The following GRIN2B variants were observed in gnomAD, a reference collection of about 807,000 sequenced individuals.
The protein encoded by GRIN2B is glutamate ionotropic receptor NMDA type subunit 2B.
GRIN2B carries 5 observed loss-of-function variants against 114.5 expected under a neutral mutation model. The observed-to-expected ratio is 0.04, with a 90% confidence interval of 0.02 to 0.09. GRIN2B has a LOEUF of 0.09. GRIN2B is among the 10% of genes least tolerant of loss of function. The pLI, the probability that GRIN2B is intolerant of heterozygous loss-of-function variation, is 1.00. For missense variants in GRIN2B, 1,108 were observed against 1,943.5 expected (o/e 0.57, Z 8.08); for synonymous variants, 787 against 745.1 (o/e 1.06, Z -0.92).
In GRIN2B at chr12:13,563,565, A is replaced by G; in HGVS notation, c.3673T>C (p.Tyr1225His). 1.2e-6 allele frequency: 2 copies of G among 1,614,028 alleles called. No individual in the cohort carries two copies. Among genetic ancestry groups the G allele is most frequent in the South Asian group, 1.1e-5 (1 of 91,080 alleles). ...CRSCPSKLHN[Y>H]STTVTGQNSG... ...TTCTGACCCGTCACCGTCGTGGAGT[A>G]GTTGTGCAGCTTGGAGGGACAGCTG... The change falls in exon 14 of 14, where the codon TAC (tyrosine) becomes CAC (histidine). Residue 1225 changes from tyrosine to histidine, a missense_variant. By Grantham distance (83) the Tyr-to-His change is moderately conservative. Transcript: ENST00000609686.
rs202236020 is a variant in GRIN2B at position 13,827,135 on chromosome 12, A to G, written c.411+38663T>C. On this transcript the variant is annotated intron_variant, in intron 3 of 13. Transcript: ENST00000609686. ...TTTAACCTTTGTTAGTTTGAATATTATATGTCTTTTTTTCCCTCTGGCTGT... is the reference window on the plus strand; with the variant it reads ...TTTAACCTTTGTTAGTTTGAATATTGTATGTCTTTTTTTCCCTCTGGCTGT... Among the ~76,000 whole-genome samples the G allele has an allele frequency of 3.2e-4, 46 of 145,188 alleles. No individual in the cohort carries two copies. The East Asian group carries it at 8.9e-3, about 28-fold the overall frequency.
chr12:13,569,275 G>T (rs969481518), intron 12 of GRIN2B, among the ~76,000 whole-genome samples: 4 of 152,084 alleles, frequency 2.6e-5, no homozygotes, highest in Non-Finnish European at 5.9e-5. Flanking sequence ...CCAATACCTT[G>T]GGATGTGACT....
chr12:13,786,542 G>C (rs550008119), intron 3 of GRIN2B, among the ~76,000 whole-genome samples: 1 of 152,040 alleles, frequency 6.6e-6, no homozygotes, highest in Non-Finnish European at 1.5e-5. Context: ...GAGTCCTGGC[G>C]GACACACTTA....
intron 5 of GRIN2B, among the ~76,000 whole-genome samples, chr12:13,649,441 G>A (rs1379817652): frequency 2.0e-5 from 3 of 151,872 alleles, no homozygotes; most frequent in Non-Finnish European, 4.4e-5. Flanking sequence ...AGGTATTCAG[G>A]GAAAAAATTA....
intron 4 of GRIN2B, among the ~76,000 whole-genome samples, chr12:13,703,118 T>C (rs545562312): frequency 1.3e-5 from 2 of 152,350 alleles, no homozygotes; most frequent in Admixed American, 6.5e-5. Flanking sequence ...CCAGGGATAC[T>C]TGTTTATTAC....
chr12:13,708,496 T>G (rs578115444), intron 4 of GRIN2B, among the ~76,000 whole-genome samples: 1 of 152,240 alleles, frequency 6.6e-6, no homozygotes, highest in East Asian at 1.9e-4. Flanking sequence ...TCTGTTTACA[T>G]AAGACCAACT....
chr12:13,766,536 G>C (rs1001014090), intron 3 of GRIN2B, among the ~76,000 whole-genome samples: 1 of 152,136 alleles, frequency 6.6e-6, no homozygotes. Context: ...CTCTGATATC[G>C]AGTCTCAGCT....
At chr12:13,629,852 C>T (rs188960938) in intron 5 of GRIN2B, among the ~76,000 whole-genome samples, 204 of 152,312 alleles carry the variant, frequency 1.3e-3, no homozygotes, top group Non-Finnish European at 2.2e-3. Flanking sequence ...CTGAATGACA[C>T]AGCTCTTCCC....
intron 3 of GRIN2B, among the ~76,000 whole-genome samples, chr12:13,862,526 T>C (rs1473117457): frequency 6.6e-6 from 1 of 152,218 alleles, no homozygotes; most frequent in Non-Finnish European, 1.5e-5. Context: ...CTACATGTCT[T>C]AGATTTACTG....
At chr12:13,763,885 C>T (rs951604499) in intron 3 of GRIN2B, among the ~76,000 whole-genome samples, 2 of 152,196 alleles carry the variant, frequency 1.3e-5, no homozygotes, top group Admixed American at 6.5e-5. Context: ...AAATTGCTCT[C>T]CTTTTCCAGA....
intron 4 of GRIN2B, among the ~76,000 whole-genome samples, chr12:13,700,034 A>C (rs903477711): frequency 6.6e-6 from 1 of 151,952 alleles, no homozygotes; most frequent in Non-Finnish European, 1.5e-5. Context: ...GAATCTTTTT[A>C]TTGTAACTGG....
At chr12:13,897,570 C>A (rs565400107) in intron 2 of GRIN2B, among the ~76,000 whole-genome samples, 1 of 152,110 alleles carries the variant, frequency 6.6e-6, no homozygotes, top group African/African-American at 2.4e-5. Flanking sequence ...CCCAATGAGT[C>A]GAGAGCCCTT....
At chr12:13,900,505 T>C (rs1329057598) in intron 2 of GRIN2B, among the ~76,000 whole-genome samples, 1 of 152,018 alleles carries the variant, frequency 6.6e-6, no homozygotes, top group African/African-American at 2.4e-5. Flanking sequence ...AAAACATTTA[T>C]GCACATTGTT....
chr12:13,689,667 T>G (rs1950199213), intron 4 of GRIN2B, among the ~76,000 whole-genome samples: 3 of 152,126 alleles, frequency 2.0e-5, no homozygotes, highest in Non-Finnish European at 4.4e-5. Context: ...GCCACATCAC[T>G]ACTTGCTCAA....
At chr12:13,617,855 C>CCCAGA (rs1361556061) in intron 5 of GRIN2B, among the ~76,000 whole-genome samples, 2 of 152,168 alleles carry the variant, frequency 1.3e-5, no homozygotes, top group Non-Finnish European at 2.9e-5. Flanking sequence ...TAATGCAAAA[C>CCCAGA]CCAGACTCCC....
At chr12:13,808,912 T>A (rs1864673538) in intron 3 of GRIN2B, among the ~76,000 whole-genome samples, 1 of 151,970 alleles carries the variant, frequency 6.6e-6, no homozygotes, top group African/African-American at 2.4e-5. Context: ...AACAGCTTAA[T>A]AACAGATTCT....
At chr12:13,954,674 C>T (rs1187697791) in intron 2 of GRIN2B, among the ~76,000 whole-genome samples, 8 of 151,276 alleles carry the variant, frequency 5.3e-5, no homozygotes, top group South Asian at 2.1e-4. Flanking sequence ...TACCTGGGTG[C>T]GATGGTGCAC....
intron 4 of GRIN2B, chr12:13,683,705 A>G (rs1950151495): frequency 6.5e-6 from 1 of 152,812 alleles, no homozygotes; most frequent in South Asian, 2.1e-4. Flanking sequence ...CATTCCCAAT[A>G]AAGGAGGACC....
intron 4 of GRIN2B, among the ~76,000 whole-genome samples, chr12:13,703,998 G>T (rs190048443): frequency 1.3e-5 from 2 of 152,180 alleles, no homozygotes; most frequent in Non-Finnish European, 2.9e-5. Flanking sequence ...CTAGGATAAG[G>T]CTATGGCTGC....
Sources: allele counts gnomAD v4.1 joint callset (sites outside exome capture counted in the v4.1 genomes callset), GRCh38; gene constraint gnomAD v4.1.1; transcripts MANE v1.5; gene names NCBI Gene and HGNC (gene_info 2026-07-23, HGNC 2026-07-21).